The following FAN1 variants were observed in gnomAD, a reference collection of about 807,000 sequenced individuals.
FAN1 encodes the protein fanconi-associated nuclease 1.
Under a neutral mutation model 104.9 loss-of-function variants are expected in FAN1, and 91 were observed. That is an observed-to-expected ratio of 0.87 (90% CI 0.73 to 1.03). The LOEUF (loss-of-function observed/expected upper bound fraction) is 1.03. Ranked by LOEUF, FAN1 falls within the 50% of genes least tolerant of loss-of-function variation. The pLI, the probability that FAN1 is intolerant of heterozygous loss-of-function variation, is 0.00. For synonymous variants in FAN1, 478 were observed against 457.6 expected (o/e 1.04, Z -0.57); for missense variants, 1,263 against 1,239.9 (o/e 1.02, Z -0.28).
intron 5 of FAN1, among the ~76,000 whole-genome samples, chr15:30,915,399 A>G (rs903065221): frequency 5.3e-5 from 8 of 152,220 alleles, no homozygotes; most frequent in Non-Finnish European, 1.2e-4. Flanking sequence ...GGATGACTAT[A>G]ATTAACAACA....
intron 6 of FAN1, among the ~76,000 whole-genome samples, chr15:30,918,901 C>G (rs976398595): frequency 6.6e-6 from 1 of 151,956 alleles, no homozygotes. Flanking sequence ...GTTGGGGTAC[C>G]GACCCCTCAG....
At chr15:30,914,353 G>A (rs896347985) in intron 5 of FAN1, among the ~76,000 whole-genome samples, 4 of 152,110 alleles carry the variant, frequency 2.6e-5, no homozygotes, top group African/African-American at 4.8e-5. Context: ...AGTACCTTTG[G>A]AAGGGAGTAT....
chr15:30,929,572 A>C, intron 12 of FAN1, among the ~76,000 whole-genome samples, 175 bp downstream of exon 12: 1 of 125,112 alleles, frequency 8.0e-6, no homozygotes. Flanking sequence ...TATCTTTATT[A>C]TATTTATTAT....
chr15:30,938,965 A>G (rs1457650445), intron 14 of FAN1: 1 of 985,296 alleles, frequency 1.0e-6, no homozygotes, highest in Non-Finnish European at 1.2e-6. Flanking sequence ...AATTTTATTA[A>G]GCCATCAAAA....
At chr15:30,940,948 A>C in intron 14 of FAN1, 2 of 1,090,912 alleles carry the variant, frequency 1.8e-6, no homozygotes, top group Non-Finnish European at 2.2e-6. Context: ...GGTTCCAAAG[A>C]AGGTGATCTA....
At chr15:30,936,553 CAGAAT>C (rs2062857929) in intron 13 of FAN1, among the ~76,000 whole-genome samples, 2 of 152,338 alleles carry the variant, frequency 1.3e-5, no homozygotes. Context: ...CTAGTTTCTA[CAGAAT>C]AGAAGAATTT....
chr15:30,931,823 G>A (rs1490193189), intron 13 of FAN1, among the ~76,000 whole-genome samples: 1 of 152,098 alleles, frequency 6.6e-6, no homozygotes, highest in African/African-American at 2.4e-5. Flanking sequence ...ACATCTTGGA[G>A]TCAGGTAGTG....
chr15:30,929,820 T>TA (rs2062624487), intron 12 of FAN1, among the ~76,000 whole-genome samples: 1 of 39,200 alleles, frequency 2.6e-5, no homozygotes, highest in Non-Finnish European at 3.7e-5. Flanking sequence ...TATAATATAT[T>TA]ATATCATATA....
chr15:30,925,261 C>T lies in FAN1; in HGVS notation c.2307C>T (p.Leu769=). The change falls in exon 9 of 15, where the codon CTC becomes CTT. Residue 769 remains leucine (L), a synonymous_variant. Transcript: ENST00000362065. The stretch of plus-strand genomic sequence containing the variant: ...AGTTCAAGCACCTCTTCCAGCAGCT[C>T]CCAGAAATGGCTGTGCAAGATGTGA... ...CKKFKHLFQQ[L]PEMAVQDVKH... 1 of 1,614,120 alleles carries T rather than the reference C, an allele frequency of 6.2e-7. No homozygotes were observed. The highest frequency in any genetic ancestry group is 8.5e-7 in the Non-Finnish European group (1 of 1,180,024).
At chr15:30,926,024 G>A (rs2062454205) in intron 10 of FAN1, 85 bp downstream of exon 10, 4 of 1,372,040 alleles carry the variant, frequency 2.9e-6, no homozygotes, top group Non-Finnish European at 3.1e-6. Flanking sequence ...GTGGGCTGCT[G>A]TCCTCTCTCT....
intron 10 of FAN1, chr15:30,927,311 C>G (rs1394952904): frequency 2.0e-6 from 2 of 985,404 alleles, no homozygotes; most frequent in African/African-American, 1.7e-5. Context: ...AAATCAGGTC[C>G]TAGCTCCACT....
rs555472908 is a variant in FAN1, at chr15:30,906,308, T to C, written c.1234+411T>C. The C allele has an allele frequency of 9.2e-4, 425 of 461,352 alleles. 13 individuals are homozygous for C. The highest frequency in any genetic ancestry group is 6.5e-3 in the South Asian group (420 of 64,478). The allele number at this position is 461,352 out of a possible 1,614,324, so 28.6% of individuals were successfully genotyped here. A position where few individuals can be genotyped will look rare whatever the true frequency, so the allele number is the denominator to read the frequency against. On this transcript the variant is annotated intron_variant, in intron 2 of 14. Transcript: ENST00000362065. ...CCTCAAAGATGAAAGTAGAATAAAA[T>C]ACAATACAGGAAGAAAACAAACCAA... is the stretch of plus-strand genomic sequence containing the variant.
intron 3 of FAN1, among the ~76,000 whole-genome samples, chr15:30,910,193 G>T (rs768669801): frequency 5.3e-5 from 8 of 152,230 alleles, no homozygotes; most frequent in African/African-American, 1.9e-4. Flanking sequence ...ACAGGCTCAC[G>T]AATGCCGAGT....
intron 13 of FAN1, among the ~76,000 whole-genome samples, chr15:30,933,181 TTTG>T (rs1380661145): frequency 2.0e-5 from 3 of 152,204 alleles, no homozygotes; most frequent in Non-Finnish European, 4.4e-5. Flanking sequence ...TTTGGTTTCA[TTTG>T]TTTTTTTATT....
In FAN1 at chr15:30,941,681, T is replaced by TA; in HGVS notation, c.*120dup. The TA allele has an allele frequency of 6.2e-7, 1 of 1,613,718 alleles. No individual in the cohort carries two copies. The highest frequency in any genetic ancestry group is 8.5e-7 in the Non-Finnish European group (1 of 1,179,760). On this transcript the variant is annotated 3_prime_UTR_variant, in exon 15 of 15. Coordinates refer to ENST00000362065, the MANE Select transcript of FAN1 (RefSeq NM_014967.5). ...CATCCTGCTCTGGCCCAGCTCCCCA[T>TA]AGCAGGCCTCCAGGGGGCCACTGCG...
intron 13 of FAN1, among the ~76,000 whole-genome samples, chr15:30,935,327 AAAAG>A (rs2062822919): frequency 6.6e-6 from 1 of 152,128 alleles, no homozygotes; most frequent in African/African-American, 2.4e-5. Flanking sequence ...GAAAAAAAGA[AAAAG>A]AAAAAATTTC....
chr15:30,928,603 T>TG lies in FAN1; in HGVS notation c.2542dup (p.Asp848GlyfsTer37), dbSNP rs764802743. On this transcript the variant is annotated frameshift_variant, in exon 11 of 15. Coordinates refer to ENST00000362065, the MANE Select transcript of FAN1 (RefSeq NM_014967.5). LOFTEE classifies it high-confidence loss of function. Reference sequence around the variant, plus strand: ...CAGCACCCTGTATGGCCTCCTCCTGTGGGACATCATCTTCATGGATGGGAT... The same window carrying TG: ...CAGCACCCTGTATGGCCTCCTCCTGTGGGGACATCATCTTCATGGATGGGAT... The TG allele has an allele frequency of 6.2e-7, 1 of 1,613,218 alleles. No individual in the cohort carries two copies. The highest frequency in any genetic ancestry group is 1.1e-5 in the South Asian group (1 of 91,024).
intron 5 of FAN1, among the ~76,000 whole-genome samples, chr15:30,914,958 A>G (rs1340676827): frequency 6.6e-6 from 1 of 152,208 alleles, no homozygotes; most frequent in Non-Finnish European, 1.5e-5. Context: ...CTACTGGGTA[A>G]TATCCAAAGG....
intron 3 of FAN1, among the ~76,000 whole-genome samples, chr15:30,908,927 G>C (rs2062039613): frequency 6.6e-6 from 1 of 152,176 alleles, no homozygotes; most frequent in Non-Finnish European, 1.5e-5. Context: ...CTTTATGATA[G>C]AATAAAGCTG....
Sources: allele counts gnomAD v4.1 joint callset (sites outside exome capture counted in the v4.1 genomes callset), GRCh38; gene constraint gnomAD v4.1.1; transcripts MANE v1.5; gene names NCBI Gene and HGNC (gene_info 2026-07-23, HGNC 2026-07-21).